The following USH2A variants were observed in gnomAD, a reference collection of about 807,000 sequenced individuals.
USH2A encodes the protein Usher syndrome 2A (autosomal recessive, mild).
A neutral mutation model predicts 538.9 loss-of-function variants in USH2A; 443 were observed. The observed-to-expected ratio is 0.82, with a 90% CI of 0.76 to 0.89. The LOEUF (loss-of-function observed/expected upper bound fraction) is 0.89, where lower values mean the gene tolerates loss of function less well. USH2A is among the 40% of genes least tolerant of loss of function. The pLI, the probability that USH2A is intolerant of heterozygous loss-of-function variation, is 0.00. For synonymous variants in USH2A, 2,413 were observed against 2,273.5 expected (o/e 1.06, Z -1.75); for missense variants, 6,633 against 6,324.8 (o/e 1.05, Z -1.65).
At chr1:216,276,958 G>T (rs1422786998) in intron 11 of USH2A, among the ~76,000 whole-genome samples, 1 of 152,032 alleles carries the variant, frequency 6.6e-6, no homozygotes, top group African/African-American at 2.4e-5. Flanking sequence ...TCATCAAAAA[G>T]CACTAAGGGT....
intron 38 of USH2A, among the ~76,000 whole-genome samples, chr1:215,923,730 C>G (rs1015946114): frequency 8.5e-5 from 13 of 152,050 alleles, no homozygotes; most frequent in African/African-American, 3.1e-4. Flanking sequence ...CCCCAGGCCA[C>G]TAGGACTGCA....
At position 215,623,961 on chromosome 1, in the gene USH2A, A is replaced by G. The variant is rs1476136952; in HGVS notation, c.*1820T>C. 1 of 152,034 alleles carries G rather than the reference A, an allele frequency of 6.6e-6. No individual in the cohort carries two copies. Among genetic ancestry groups the G allele is most frequent in the Non-Finnish European group, 1.5e-5 (1 of 68,006 alleles). 9.4% of individuals were successfully genotyped at this position (152,034 alleles called of 1,614,324 possible). A position where few individuals can be genotyped will look rare whatever the true frequency, so the allele number is the denominator to read the frequency against. On this transcript the variant is annotated 3_prime_UTR_variant, in exon 72 of 72. Coordinates refer to ENST00000307340, the MANE Select transcript of USH2A (RefSeq NM_206933.4). ...GTTTGTGACCACTCCTTTCCTATAT[A>G]CCTTAAGTAGCTCACAGAAGGTGGA...
chr1:216,199,838 A>G lies in USH2A; in HGVS notation c.3600T>C (p.Gly1200=), dbSNP rs896328534. Reference sequence around the variant, plus strand: ...TCCAGATGGTAGCTGAGGTTTCATGACCTTCGTAGGAAACACATGGCTGAC... The same window carrying G: ...TCCAGATGGTAGCTGAGGTTTCATGGCCTTCGTAGGAAACACATGGCTGAC... ...AGGQPCVSYE[G]HETSATIWNL... The change falls in exon 17 of 72, where the codon GGT becomes GGC. Residue 1200 remains glycine (G), a synonymous_variant. Coordinates refer to ENST00000307340, the MANE Select transcript of USH2A (RefSeq NM_206933.4). The G allele has an allele frequency of 5.0e-6, 8 of 1,614,142 alleles. No homozygotes were observed. In the South Asian group the frequency reaches 8.8e-5, roughly 18 times the overall value.
intron 51 of USH2A, among the ~76,000 whole-genome samples, chr1:215,789,019 T>A (rs1002541631): frequency 6.6e-6 from 1 of 152,122 alleles, no homozygotes; most frequent in African/African-American, 2.4e-5. Flanking sequence ...GAAGACCGAA[T>A]GGGCCAGCTA....
At chr1:216,168,515 GA>G (rs1217410714) in intron 21 of USH2A, among the ~76,000 whole-genome samples, 2 of 152,024 alleles carry the variant, frequency 1.3e-5, no homozygotes, top group Non-Finnish European at 2.9e-5. Flanking sequence ...CTAACCTTGG[GA>G]AAAAATTTAG....
intron 4 of USH2A, among the ~76,000 whole-genome samples, chr1:216,344,270 T>C (rs1380340534): frequency 6.6e-6 from 1 of 151,500 alleles, no homozygotes; most frequent in Non-Finnish European, 1.5e-5. Context: ...ACAGAAAGAG[T>C]CTCCACAGCT....
At chr1:216,298,040 A>C (rs2037140549) in intron 9 of USH2A, among the ~76,000 whole-genome samples, 1 of 152,182 alleles carries the variant, frequency 6.6e-6, no homozygotes, top group African/African-American at 2.4e-5. Context: ...CCATCGTAAA[A>C]CTTTTGCCAA....
intron 30 of USH2A, among the ~76,000 whole-genome samples, chr1:216,065,337 CA>C (rs2031316614): frequency 6.6e-6 from 1 of 152,078 alleles, no homozygotes; most frequent in Admixed American, 6.6e-5. Flanking sequence ...TATATGTTAT[CA>C]ATATGGTATA....
At position 216,232,153 on chromosome 1, in the gene USH2A, TAA is replaced by T. The variant is rs751737351; in HGVS notation, c.2810-19_2810-18del. 3.1e-6 allele frequency: 5 copies of T among 1,601,238 alleles called. No individual in the cohort carries two copies. The African/African-American group carries it at 6.8e-5, about 22-fold the overall frequency. On this transcript the variant is annotated intron_variant, in intron 13 of 71. Coordinates refer to ENST00000307340, the MANE Select transcript of USH2A (RefSeq NM_206933.4). ...TATAAAAACCTAGAAATAAAGAAAT[TAA>T]AAGTTTTATATATACTTTTTATCCA...
intron 37 of USH2A, among the ~76,000 whole-genome samples, chr1:215,945,938 T>C (rs1431316457): frequency 6.6e-6 from 1 of 152,174 alleles, no homozygotes; most frequent in African/African-American, 2.4e-5. Flanking sequence ...GTGTAATGAA[T>C]TGGTACTATT....
intron 20 of USH2A, among the ~76,000 whole-genome samples, chr1:216,186,463 T>A (rs2034606197): frequency 6.6e-6 from 1 of 151,896 alleles, no homozygotes; most frequent in South Asian, 2.1e-4. Context: ...CTGCTTCCTC[T>A]CAGTTCTTTT....
At chr1:216,023,477 A>AAAAAAAAAAAAAAAAAAAAC (rs1668891739) in intron 32 of USH2A, among the ~76,000 whole-genome samples, 1 of 142,052 alleles carries the variant, frequency 7.0e-6, no homozygotes, top group Admixed American at 7.1e-5. Context: ...AAAAAAAAAA[A>AAAAAAAAAAAAAAAAAAAAC]AAAAATCAAA....
intron 69 of USH2A, among the ~76,000 whole-genome samples, chr1:215,636,730 C>T (rs545550649): frequency 6.6e-6 from 1 of 152,170 alleles, no homozygotes; most frequent in South Asian, 2.1e-4. Context: ...CTCTGCCACT[C>T]TCCTGCTTGG....
chr1:215,727,516 CAG>C (rs1659859536), intron 61 of USH2A, among the ~76,000 whole-genome samples: 1 of 152,068 alleles, frequency 6.6e-6, no homozygotes, highest in Non-Finnish European at 1.5e-5. Flanking sequence ...CACTTGAGGT[CAG>C]GAGTTCGAGA....
intron 51 of USH2A, 49 bp from the exon 52 acceptor site, chr1:215,786,923 A>G: frequency 1.3e-6 from 2 of 1,574,824 alleles, no homozygotes; most frequent in East Asian, 4.5e-5. Context: ...TAAAAATTTC[A>G]TTTAGACATA....
At chr1:216,297,743 A>G (rs1326135728) in intron 9 of USH2A, among the ~76,000 whole-genome samples, 1 of 152,170 alleles carries the variant, frequency 6.6e-6, no homozygotes. Flanking sequence ...GAAGAAATTT[A>G]TGACCAAAAT....
Position 215,640,106 on chromosome 1 carries a change from G to A in USH2A, c.14968+452C>T, listed in dbSNP as rs1656624715. Among the ~76,000 whole-genome samples, 4 of 152,252 alleles carry A rather than the reference G, an allele frequency of 2.6e-5. No individual in the cohort carries two copies. In the South Asian group the frequency reaches 8.3e-4, roughly 32 times the overall value. Reference sequence around the variant, plus strand: ...TTGTTCTTTCAGGGGCTGATATCAAGGAAGGTTAAGGAAACCCCTTATTCA... The same window carrying A: ...TTGTTCTTTCAGGGGCTGATATCAAAGAAGGTTAAGGAAACCCCTTATTCA... On this transcript the variant is annotated intron_variant, in intron 68 of 71. Transcript: ENST00000307340.
At chr1:216,164,696 A>G (rs1207428507) in intron 21 of USH2A, among the ~76,000 whole-genome samples, 1 of 152,174 alleles carries the variant, frequency 6.6e-6, no homozygotes, top group Non-Finnish European at 1.5e-5. Flanking sequence ...TGAGTAAAAT[A>G]AAGTGAATGA....
intron 21 of USH2A, among the ~76,000 whole-genome samples, chr1:216,114,905 G>C (rs145499916): frequency 0.019 from 2,843 of 152,168 alleles, 93 homozygotes; most frequent in African/African-American, 0.065. Flanking sequence ...GATAGATACA[G>C]ATACATAGAT....
Sources: allele counts gnomAD v4.1 joint callset (sites outside exome capture counted in the v4.1 genomes callset), GRCh38; gene constraint gnomAD v4.1.1; transcripts MANE v1.5; gene names NCBI Gene and HGNC (gene_info 2026-07-23, HGNC 2026-07-21).